KCTD3: variants seen among roughly 807,000 people sequenced by gnomAD.
KCTD3 encodes BTB/POZ domain-containing protein KCTD3.
KCTD3 carries 41 observed loss-of-function variants against 85.8 expected under a neutral mutation model. The observed-to-expected ratio is 0.48, with a 90% CI of 0.37 to 0.62. KCTD3 has a LOEUF of 0.62. Among genes scored for constraint, KCTD3 ranks in the 20% least tolerant of loss-of-function variants. The pLI is 0.00. For synonymous variants in KCTD3, 338 were observed against 345.4 expected (o/e 0.98, Z 0.24); for missense variants, 724 against 989.9 (o/e 0.73, Z 3.60).
intron 13 of KCTD3, among the ~76,000 whole-genome samples, chr1:215,606,177 C>G (rs191006974): frequency 6.6e-6 from 1 of 152,046 alleles, no homozygotes; most frequent in Admixed American, 6.6e-5. Context: ...TGTGTTTGTT[C>G]TTTTTATTTG....
At chr1:215,607,593 C>T (rs1243658365) in intron 13 of KCTD3, among the ~76,000 whole-genome samples, 1 of 151,770 alleles carries the variant, frequency 6.6e-6, no homozygotes, top group African/African-American at 2.4e-5. Flanking sequence ...TCATTTGTGC[C>T]AATAATTTTT....
intron 1 of KCTD3, among the ~76,000 whole-genome samples, chr1:215,572,571 G>C (rs1423025716): frequency 6.6e-6 from 1 of 152,060 alleles, no homozygotes; most frequent in Non-Finnish European, 1.5e-5. Flanking sequence ...TGGGAAGTAG[G>C]ATGTATTTTG....
chr1:215,604,508 G>T (rs971483202), intron 13 of KCTD3, among the ~76,000 whole-genome samples: 1 of 152,076 alleles, frequency 6.6e-6, no homozygotes, highest in Non-Finnish European at 1.5e-5. Flanking sequence ...CAGTTTAGGA[G>T]GCCAAGGCAG....
chr1:215,569,231 C>T (rs757869556), intron 1 of KCTD3, among the ~76,000 whole-genome samples: 6 of 151,000 alleles, frequency 4.0e-5, no homozygotes, highest in Non-Finnish European at 5.9e-5. Context: ...AAGCGATTCT[C>T]CTGCCTCAGC....
intron 8 of KCTD3, among the ~76,000 whole-genome samples, 168 bp from the exon 9 acceptor site, chr1:215,586,327 A>G (rs565195691): frequency 3.1e-4 from 47 of 152,288 alleles, no homozygotes; most frequent in Admixed American, 2.9e-3. Flanking sequence ...GTGGCTTCAT[A>G]GGCAATATAG....
rs1296949085 is a variant in KCTD3 at position 215,611,811 on chromosome 1, G to A, written c.1466-14G>A. On this transcript the variant is annotated splice_polypyrimidine_tract_variant and intron_variant, in intron 14 of 17. Transcript: ENST00000259154. ...TTTTAATTAATTTTTTGACATTTTTGTTTTCTGATCAAGGACCTTTTGGAG... is the reference window on the plus strand; with the variant it reads ...TTTTAATTAATTTTTTGACATTTTTATTTTCTGATCAAGGACCTTTTGGAG... 1 of 1,545,248 alleles carries A rather than the reference G, an allele frequency of 6.5e-7. No individual in the cohort carries two copies. The highest frequency in any genetic ancestry group is 8.8e-7 in the Non-Finnish European group (1 of 1,137,944).
At chr1:215,596,124 G>C (rs1007384564) in intron 10 of KCTD3, among the ~76,000 whole-genome samples, 2 of 152,100 alleles carry the variant, frequency 1.3e-5, no homozygotes, top group Non-Finnish European at 1.5e-5. Flanking sequence ...TAAAATGACA[G>C]GTCTGCTGTC....
chr1:215,586,864 T>C (rs112605785), intron 9 of KCTD3, among the ~76,000 whole-genome samples, 179 bp downstream of exon 9: 3 of 152,166 alleles, frequency 2.0e-5, no homozygotes, highest in South Asian at 2.1e-4. Flanking sequence ...AGAAAAGACA[T>C]GGGGAACATC....
At chr1:215,573,748 T>G (rs1315909429) in intron 1 of KCTD3, 38 bp from the exon 2 acceptor site, 2 of 1,250,580 alleles carry the variant, frequency 1.6e-6, no homozygotes, top group Non-Finnish European at 2.3e-6. Flanking sequence ...TTTCAAATCA[T>G]GTTCTCACTT....
At chr1:215,580,852 T>G in intron 8 of KCTD3, 2 of 326,640 alleles carry the variant, frequency 6.1e-6, no homozygotes, top group Non-Finnish European at 1.2e-5. Context: ...ATGTATTTTT[T>G]TTTTAAAAAT....
chr1:215,607,966 T>A (rs753994499), intron 13 of KCTD3, 51 bp from the exon 14 acceptor site: 52 of 1,496,292 alleles, frequency 3.5e-5, no homozygotes, highest in Non-Finnish European at 4.1e-5. Flanking sequence ...AAAGTTAAAA[T>A]GAGTTTTTAA....
intron 9 of KCTD3, among the ~76,000 whole-genome samples, chr1:215,592,838 A>C (rs1308829419): frequency 6.6e-6 from 1 of 152,174 alleles, no homozygotes; most frequent in African/African-American, 2.4e-5. Context: ...TTCTGCTATA[A>C]GCAATATTTT....
intron 14 of KCTD3, among the ~76,000 whole-genome samples, chr1:215,609,918 A>G (rs72739261): frequency 0.01 from 1,587 of 152,070 alleles, 11 homozygotes; most frequent in South Asian, 0.017. Context: ...AGTTATGTTT[A>G]TGAGTATTCA....
Position 215,620,267 on chromosome 1 carries a change from G to A in KCTD3, c.2097G>A (p.Gly699=). 1.9e-6 allele frequency: 3 copies of A among 1,613,898 alleles called. No homozygotes were observed. Among genetic ancestry groups the A allele is most frequent in the Middle Eastern group, 1.6e-4 (1 of 6,062 alleles). The change falls in exon 18 of 18, where the codon GGG becomes GGA. Residue 699 remains glycine, a synonymous_variant. Transcript: ENST00000259154. The part of the protein sequence containing the change: ...NLGPIQAEVK[G]ATGECNISER... ...GTCCAATACAAGCTGAAGTGAAAGG[G>A]GCAACAGGGGAATGTAATATATCTG...
In KCTD3 at chr1:215,618,969, C is replaced by G; in HGVS notation, c.1646C>G (p.Ser549Ter). 1 of 1,613,928 alleles carries G rather than the reference C, an allele frequency of 6.2e-7. No individual in the cohort carries two copies. The highest frequency in any genetic ancestry group is 8.5e-7 in the Non-Finnish European group (1 of 1,179,888). The change falls in exon 16 of 18, where the codon TCA becomes TGA. Residue 549 changes from serine (S) to a stop codon, truncating the protein, a stop_gained. Transcript: ENST00000259154. LOFTEE classifies it high-confidence loss of function. Reference protein sequence around the residue: ...RECEGSSRMGSRPRRYLFTGH... With the variant: ...RECEGSSRMG ...TGTGAGGGATCCAGTAGGATGGGCT[C>G]AAGACCAAGGCGCTACTTGTTCACA...
intron 13 of KCTD3, among the ~76,000 whole-genome samples, chr1:215,605,289 G>A (rs1176799699): frequency 6.6e-6 from 1 of 152,178 alleles, no homozygotes; most frequent in Non-Finnish European, 1.5e-5. Context: ...CTGAAATTCA[G>A]TCCATAGCTG....
At chr1:215,571,878 G>C (rs991080191) in intron 1 of KCTD3, among the ~76,000 whole-genome samples, 4 of 152,162 alleles carry the variant, frequency 2.6e-5, no homozygotes, top group Non-Finnish European at 5.9e-5. Flanking sequence ...TGATCTGCCC[G>C]CCTCGGCCTC....
intron 14 of KCTD3, among the ~76,000 whole-genome samples, chr1:215,610,636 A>G (rs1655195890): frequency 6.6e-6 from 1 of 151,996 alleles, no homozygotes; most frequent in African/African-American, 2.4e-5. Flanking sequence ...TTTTAATAAA[A>G]TTAGAGATCA....
At chr1:215,580,351 A>G (rs1418066840) in intron 8 of KCTD3, among the ~76,000 whole-genome samples, 2 of 152,324 alleles carry the variant, frequency 1.3e-5, no homozygotes, top group East Asian at 1.9e-4. Flanking sequence ...CTGATGGTCT[A>G]TCTCTAATGA....
Sources: gnomAD v4.1 joint callset for allele counts (sites outside exome capture counted in the v4.1 genomes callset) on GRCh38, gnomAD v4.1.1 for gene constraint, MANE v1.5 for transcripts, NCBI Gene and HGNC (gene_info 2026-07-23, HGNC 2026-07-21) for gene names.